STX6: variants seen among roughly 807,000 people sequenced by gnomAD.
The protein encoded by STX6 is syntaxin-6.
STX6 carries 23 observed loss-of-function variants against 38.0 expected under a neutral mutation model. The observed-to-expected ratio is 0.60, with a 90% confidence interval of 0.43 to 0.86. The LOEUF (loss-of-function observed/expected upper bound fraction) is 0.86. Among genes scored for constraint, STX6 ranks in the 40% least tolerant of loss-of-function variants. The pLI is 0.00. For synonymous variants in STX6, 123 were observed against 107.5 expected (o/e 1.14, Z -0.89); for missense variants, 274 against 312.9 (o/e 0.88, Z 0.94).
chr1:180,975,595 T>C lies in STX6; in HGVS notation c.*975A>G, dbSNP rs955032766. 6.6e-6 allele frequency: 1 copy of C among 152,402 alleles called. No homozygotes were observed. The highest frequency in any genetic ancestry group is 2.1e-4 in the South Asian group (1 of 4,830). The allele number at this position is 152,402 out of a possible 1,614,324, so 9.4% of individuals were successfully genotyped here. ...TACGTTTCTTAATAAATGTAATAAA[T>C]GTACTAACCACTCCCAACCCCAACC... On this transcript the variant is annotated 3_prime_UTR_variant, in exon 8 of 8. Coordinates refer to ENST00000258301, the MANE Select transcript of STX6 (RefSeq NM_005819.6).
At chr1:180,984,088 A>AAAACAAAAAC in intron 7 of STX6, among the ~76,000 whole-genome samples, 3 of 101,464 alleles carry the variant, frequency 3.0e-5, no homozygotes, top group South Asian at 3.3e-4. Context: ...AAAAAAAAAA[A>AAAACAAAAAC]AACACAACGA....
chr1:181,011,637 A>G (rs1656404152), intron 1 of STX6, among the ~76,000 whole-genome samples: 2 of 152,266 alleles, frequency 1.3e-5, no homozygotes, highest in African/African-American at 4.8e-5. Context: ...AAGTCAATTC[A>G]TAAAACAGTA....
rs1655715345 is a variant in STX6 at position 180,990,211 on chromosome 1, G to A, written c.364-102C>T. The A allele has an allele frequency of 4.1e-6, 6 of 1,462,352 alleles. No individual in the cohort carries two copies. The South Asian group carries it at 7.6e-5, about 19-fold the overall frequency. The allele number at this position is 1,462,352 out of a possible 1,614,324, so 90.6% of individuals were successfully genotyped here. On this transcript the variant is annotated intron_variant, in intron 4 of 7. Transcript: ENST00000258301. ...GATATAAAGAGTTTTCACATTTCTT[G>A]TCTATTTTCCCCTGGGCAAGGCTTT...
At chr1:181,003,938 T>C (rs1429006267) in intron 2 of STX6, among the ~76,000 whole-genome samples, 1 of 152,250 alleles carries the variant, frequency 6.6e-6, no homozygotes, top group Non-Finnish European at 1.5e-5. Context: ...ACGGTAGCAC[T>C]GTAACATCAC....
intron 2 of STX6, among the ~76,000 whole-genome samples, chr1:181,003,728 T>C (rs1422531764): frequency 1.3e-5 from 2 of 152,232 alleles, no homozygotes; most frequent in African/African-American, 2.4e-5. Flanking sequence ...ACTCAGAACA[T>C]GCAAGTGGCA....
intron 3 of STX6, among the ~76,000 whole-genome samples, chr1:180,995,299 G>A (rs2102313379): frequency 6.6e-6 from 1 of 152,192 alleles, no homozygotes; most frequent in South Asian, 2.1e-4. Flanking sequence ...AGGCCCCTAT[G>A]AGACCTACGA....
At chr1:181,022,012 G>A (rs1028998469) in intron 1 of STX6, among the ~76,000 whole-genome samples, 1 of 152,174 alleles carries the variant, frequency 6.6e-6, no homozygotes. Context: ...ATGAACGACT[G>A]CTTTCCTCTC....
At chr1:180,988,063 C>T (rs1030041809) in intron 6 of STX6, 176 bp downstream of exon 6, 2 of 484,208 alleles carry the variant, frequency 4.1e-6, no homozygotes, top group Non-Finnish European at 7.4e-6. Context: ...GTAAAATTTA[C>T]GAAGTAGAAT....
At chr1:180,986,266 G>A (rs1349259101) in intron 6 of STX6, among the ~76,000 whole-genome samples, 1 of 152,152 alleles carries the variant, frequency 6.6e-6, no homozygotes, top group Admixed American at 6.5e-5. Flanking sequence ...AGCCATGTTT[G>A]TAAAAATTTC....
intron 3 of STX6, among the ~76,000 whole-genome samples, chr1:180,995,991 G>A (rs1440974866): frequency 1.3e-5 from 2 of 152,048 alleles, no homozygotes; most frequent in Admixed American, 1.3e-4. Context: ...ATATGTTTAG[G>A]TTAATTACAC....
rs1419369249 is a variant in STX6, at chr1:180,973,707, A to T, written c.*2863T>A. 1.3e-5 allele frequency: 2 copies of T among 152,666 alleles called. No homozygotes were observed. The highest frequency in any genetic ancestry group is 2.9e-5 in the Non-Finnish European group (2 of 68,048). 9.5% of individuals were successfully genotyped at this position (152,666 alleles called of 1,614,324 possible). A position where few individuals can be genotyped will look rare whatever the true frequency, so the allele number is the denominator to read the frequency against. ...AGTCCAGGGCATATAGAGCATTGTG[A>T]TTCTTCACAGTCCGCAGAGACAAGA... On this transcript the variant is annotated 3_prime_UTR_variant, in exon 8 of 8. Coordinates refer to ENST00000258301, the MANE Select transcript of STX6 (RefSeq NM_005819.6).
intron 7 of STX6, among the ~76,000 whole-genome samples, chr1:180,978,982 C>T (rs952913062): frequency 1.3e-5 from 2 of 152,146 alleles, no homozygotes; most frequent in Non-Finnish European, 1.5e-5. Context: ...GAGTCAGATA[C>T]AGCAGGAATG....
chr1:181,021,198 G>A (rs567660383), intron 1 of STX6, among the ~76,000 whole-genome samples: 8 of 152,222 alleles, frequency 5.3e-5, no homozygotes, highest in African/African-American at 1.7e-4. Context: ...GATCATCTCT[G>A]ATCTCTACCG....
At chr1:181,005,261 C>G in intron 2 of STX6, 33 bp downstream of exon 2, 1 of 1,585,700 alleles carries the variant, frequency 6.3e-7, no homozygotes, top group African/African-American at 1.4e-5. Flanking sequence ...GTCTATTTAT[C>G]CCGAATGGCA....
At chr1:180,997,441 A>G (rs1655945332) in intron 3 of STX6, among the ~76,000 whole-genome samples, 1 of 151,932 alleles carries the variant, frequency 6.6e-6, no homozygotes, top group Admixed American at 6.6e-5. Context: ...TACTTTTTCA[A>G]TTGTAAGTTC....
At chr1:181,002,137 C>CA (rs1465170260) in intron 3 of STX6, among the ~76,000 whole-genome samples, 8 of 151,292 alleles carry the variant, frequency 5.3e-5, no homozygotes, top group Admixed American at 3.3e-4. Flanking sequence ...GACCTTGTGT[C>CA]AAAAAAAGAA....
chr1:181,001,430 TTC>T (rs1388840770), intron 3 of STX6, among the ~76,000 whole-genome samples: 1 of 152,264 alleles, frequency 6.6e-6, no homozygotes, highest in Non-Finnish European at 1.5e-5. Flanking sequence ...TTAATATTTT[TTC>T]TCAGATTCTT....
chr1:180,988,615 C>A, intron 5 of STX6: 1 of 337,812 alleles, frequency 3.0e-6, no homozygotes, highest in South Asian at 2.8e-5. Context: ...GGTTGGCTGA[C>A]GTCCAATAAT....
At chr1:181,017,745 A>G (rs751753224) in intron 1 of STX6, among the ~76,000 whole-genome samples, 1 of 152,210 alleles carries the variant, frequency 6.6e-6, no homozygotes, top group Non-Finnish European at 1.5e-5. Context: ...GGAGATTAGT[A>G]AAGATTTTTT....
Sources: allele counts gnomAD v4.1 joint callset (sites outside exome capture counted in the v4.1 genomes callset), GRCh38; gene constraint gnomAD v4.1.1; transcripts MANE v1.5; gene names NCBI Gene and HGNC (gene_info 2026-07-23, HGNC 2026-07-21).